The following NUDC variants were observed in gnomAD, a reference collection of about 807,000 sequenced individuals.
NUDC encodes the protein nuclear distribution C, dynein complex regulator.
In NUDC, 14 loss-of-function variants were observed where a neutral mutation model predicts 45.0. That is an observed-to-expected ratio of 0.31 (90% CI 0.21 to 0.49). The LOEUF (loss-of-function observed/expected upper bound fraction) is 0.49. Among genes scored for constraint, NUDC ranks in the 20% least tolerant of loss-of-function variants. The pLI, the probability that NUDC is intolerant of heterozygous loss-of-function variation, is 0.99. For synonymous variants in NUDC, 153 were observed against 156.7 expected, an observed-to-expected ratio of 0.98 and a Z score of 0.17; for missense variants, 323 against 426.2, an observed-to-expected ratio of 0.76 and a Z score of 2.13.
At chr1:26,904,794 GA>G (rs1437793771) in intron 2 of NUDC, among the ~76,000 whole-genome samples, 1 of 151,832 alleles carries the variant, frequency 6.6e-6, no homozygotes, top group East Asian at 1.9e-4. Flanking sequence ...GCTGGATATA[GA>G]AACTAAGTTC....
intron 2 of NUDC, among the ~76,000 whole-genome samples, chr1:26,925,718 ATTTTTTTTTTT>A (rs35681038): frequency 7.9e-6 from 1 of 126,874 alleles, no homozygotes; most frequent in Non-Finnish European, 1.7e-5. Context: ...ATCATGAGGA[ATTTTTTTTTTT>A]TTTTTTTTTT....
chr1:26,927,982 G>A (rs1271067547), intron 2 of NUDC, among the ~76,000 whole-genome samples: 1 of 152,112 alleles, frequency 6.6e-6, no homozygotes, highest in Admixed American at 6.6e-5. Context: ...AATGAAGACT[G>A]TAAATACCTC....
intron 6 of NUDC, 90 bp downstream of exon 6, chr1:26,943,155 G>A: frequency 7.6e-7 from 1 of 1,315,476 alleles, no homozygotes; most frequent in Non-Finnish European, 1.1e-6. Flanking sequence ...CATGCTGGGG[G>A]CATTGTGGGA....
chr1:26,930,074 T>C (rs1028602098), intron 2 of NUDC, among the ~76,000 whole-genome samples: 1 of 152,190 alleles, frequency 6.6e-6, no homozygotes, highest in Non-Finnish European at 1.5e-5. Context: ...TGTAATGGTA[T>C]ACCTTCTCCA....
At chr1:26,932,227 A>G (rs1391868789) in intron 2 of NUDC, among the ~76,000 whole-genome samples, 1 of 149,128 alleles carries the variant, frequency 6.7e-6, no homozygotes, top group Non-Finnish European at 1.5e-5. Context: ...CCCAGGCTAG[A>G]GTATAGTGGT....
intron 3 of NUDC, among the ~76,000 whole-genome samples, chr1:26,916,263 T>G (rs1042620105): frequency 6.6e-5 from 10 of 151,980 alleles, no homozygotes; most frequent in Non-Finnish European, 1.3e-4. Flanking sequence ...GGGGCATATC[T>G]GTAGTCCCAA....
chr1:26,939,352 C>T (rs1384921519), intron 2 of NUDC, among the ~76,000 whole-genome samples: 1 of 151,590 alleles, frequency 6.6e-6, no homozygotes, highest in Non-Finnish European at 1.5e-5. Flanking sequence ...TTAGACCAGG[C>T]ATAATGGCTT....
At chr1:26,912,169 A>T in intron 3 of NUDC, 1 of 1,554,656 alleles carries the variant, frequency 6.4e-7, no homozygotes, top group Non-Finnish European at 8.8e-7. Context: ...GATCTGGGCC[A>T]TCAGAGACAC....
chr1:26,913,484 G>A, intron 3 of NUDC: 1 of 1,614,066 alleles, frequency 6.2e-7, no homozygotes, highest in East Asian at 2.2e-5. Context: ...AAGGACTCCA[G>A]ACAGCATTGA....
At chr1:26,944,488 G>A (rs909983510) in intron 6 of NUDC, among the ~76,000 whole-genome samples, 5 of 152,132 alleles carry the variant, frequency 3.3e-5, no homozygotes, top group Non-Finnish European at 5.9e-5. Context: ...AGGAGCCACT[G>A]CACCTGGCAC....
chr1:26,903,059 A>T (rs2081987445), intron 2 of NUDC, among the ~76,000 whole-genome samples: 1 of 152,084 alleles, frequency 6.6e-6, no homozygotes, highest in Non-Finnish European at 1.5e-5. Flanking sequence ...CTCAAAAAAA[A>T]AAAAATTATA....
intron 1 of NUDC, among the ~76,000 whole-genome samples, chr1:26,922,756 T>A (rs1381684896): frequency 6.6e-6 from 1 of 152,202 alleles, no homozygotes; most frequent in Non-Finnish European, 1.5e-5. Context: ...CATGGCTGAT[T>A]GTGTCTTACT....
intron 2 of NUDC, among the ~76,000 whole-genome samples, chr1:26,927,264 C>CGTGTGTGTGTGTGTGTGTGTGTGTGT (rs60238934): frequency 3.3e-5 from 3 of 91,802 alleles, no homozygotes; most frequent in Non-Finnish European, 4.3e-5. Context: ...AGAGATGAAC[C>CGTGTGTGTGTGTGTGTGTGTGTGTGT]GTGTGTGTGT....
In NUDC at chr1:26,901,161, G is replaced by T. The variant is rs545948062; in HGVS notation, c.-101+761G>T. ...CTACACATCATTTGACTCAGCACTT[G>T]TAGGTAATATTTTATTTATTTTTGA... On this transcript the variant is annotated intron_variant, in intron 1 of 6. Coordinates refer to the NUDC transcript ENST00000435827. Among the ~76,000 whole-genome samples, 6 of 152,232 alleles carry T rather than the reference G, an allele frequency of 3.9e-5. No homozygotes were observed. The South Asian group carries it at 1.0e-3, about 26-fold the overall frequency.
chr1:26,941,085 C>CTTTTTTT (rs772114445), intron 2 of NUDC, among the ~76,000 whole-genome samples: 11 of 91,372 alleles, frequency 1.2e-4, no homozygotes, highest in East Asian at 6.5e-4. Flanking sequence ...CCATGCCCAG[C>CTTTTTTT]TTTTTTTTTT....
chr1:26,900,562 G>T, intron 1 of NUDC: 1 of 799,118 alleles, frequency 1.3e-6, no homozygotes, highest in Non-Finnish European at 1.9e-6. Context: ...TGGGGTTGTG[G>T]AACCTGGAGC....
chr1:26,914,289 G>A (rs1162445474), intron 3 of NUDC, among the ~76,000 whole-genome samples: 1 of 152,218 alleles, frequency 6.6e-6, no homozygotes, highest in Non-Finnish European at 1.5e-5. Flanking sequence ...AAGGCCCCAG[G>A]TGCACAATCA....
At chr1:26,901,192 G>A (rs1361572328) in intron 1 of NUDC, among the ~76,000 whole-genome samples, 2 of 151,838 alleles carry the variant, frequency 1.3e-5, no homozygotes, top group Admixed American at 1.3e-4. Flanking sequence ...TTTGAGTTGG[G>A]GTCTCGCTCT....
chr1:26,911,560 T>C (rs1415938678), intron 3 of NUDC: 3 of 465,396 alleles, frequency 6.4e-6, no homozygotes, highest in East Asian at 4.3e-5. Flanking sequence ...GGACTTCTGG[T>C]CCAATAAGCA....
Sources: gnomAD v4.1 joint callset for allele counts (sites outside exome capture counted in the v4.1 genomes callset) on GRCh38, gnomAD v4.1.1 for gene constraint, MANE v1.5 for transcripts, NCBI Gene and HGNC (gene_info 2026-07-23, HGNC 2026-07-21) for gene names.